KCNIP1: variants seen among roughly 807,000 people sequenced by gnomAD.
KCNIP1 encodes the protein potassium voltage-gated channel interacting protein 1.
Under a neutral mutation model 33.0 loss-of-function variants are expected in KCNIP1, and 18 were observed. The ratio of observed to expected loss-of-function variants is 0.55; its 90% confidence interval spans 0.38 to 0.81. KCNIP1 has a LOEUF of 0.81. Ranked by LOEUF, KCNIP1 falls within the 30% of genes least tolerant of loss-of-function variation. The pLI, the probability that KCNIP1 is intolerant of heterozygous loss-of-function variation, is 0.00. For synonymous variants in KCNIP1, 93 were observed against 98.3 expected (o/e 0.95, Z 0.32); for missense variants, 238 against 271.6 (o/e 0.88, Z 0.87).
At chr5:170,610,354 T>G (rs926637767) in intron 1 of KCNIP1, among the ~76,000 whole-genome samples, 1 of 152,232 alleles carries the variant, frequency 6.6e-6, no homozygotes, top group Non-Finnish European at 1.5e-5. Context: ...ATGTACTTAA[T>G]AGGCCTTTTT....
chr5:170,400,435 TG>T (rs1374325510), intron 1 of KCNIP1, among the ~76,000 whole-genome samples: 2 of 152,118 alleles, frequency 1.3e-5, no homozygotes. Context: ...GAGAACAGCA[TG>T]GGGGAGACTT....
At chr5:170,592,288 T>C (rs542702320) in intron 1 of KCNIP1, among the ~76,000 whole-genome samples, 1 of 152,344 alleles carries the variant, frequency 6.6e-6, no homozygotes, top group South Asian at 2.1e-4. Flanking sequence ...GAGAAATGTC[T>C]GTTAACTCTA....
chr5:170,512,051 A>G (rs1334374137), intron 1 of KCNIP1, among the ~76,000 whole-genome samples: 4 of 152,190 alleles, frequency 2.6e-5, no homozygotes, highest in African/African-American at 9.7e-5. Context: ...TTTCCATTTC[A>G]TCTGACACTG....
At chr5:170,679,644 TG>T (rs1762262856) in intron 1 of KCNIP1, among the ~76,000 whole-genome samples, 3 of 151,672 alleles carry the variant, frequency 2.0e-5, no homozygotes, top group Admixed American at 2.0e-4. Context: ...TGTGTGTGTG[TG>T]TGTGTGTGTG....
chr5:170,424,901 C>A (rs1173362439), intron 1 of KCNIP1, among the ~76,000 whole-genome samples: 1 of 152,206 alleles, frequency 6.6e-6, no homozygotes, highest in Non-Finnish European at 1.5e-5. Context: ...TTTATCTGGG[C>A]GTCTTGGCTT....
chr5:170,677,787 TAATC>T (rs1762200671), intron 1 of KCNIP1, among the ~76,000 whole-genome samples: 1 of 151,844 alleles, frequency 6.6e-6, no homozygotes, highest in Non-Finnish European at 1.5e-5. Flanking sequence ...TTTTCACAAA[TAATC>T]AAACCTTTGT....
intron 1 of KCNIP1, among the ~76,000 whole-genome samples, chr5:170,515,148 A>C (rs1449300564): frequency 6.6e-6 from 1 of 152,174 alleles, no homozygotes; most frequent in African/African-American, 2.4e-5. Context: ...CTTGATGTTG[A>C]CACTCCAAAT....
intron 1 of KCNIP1, among the ~76,000 whole-genome samples, chr5:170,645,803 T>C (rs1189567657): frequency 6.6e-6 from 1 of 151,752 alleles, no homozygotes; most frequent in African/African-American, 2.4e-5. Flanking sequence ...AAACTAAAAA[T>C]CAATAACAAG....
At chr5:170,726,839 G>A (rs561051843) in intron 5 of KCNIP1, among the ~76,000 whole-genome samples, 1 of 151,642 alleles carries the variant, frequency 6.6e-6, no homozygotes, top group African/African-American at 2.4e-5. Context: ...TAACCCTGGG[G>A]AGTGGAGGTT....
rs573930146 is a variant in KCNIP1 at position 170,470,822 on chromosome 5, C to T, written c.88+116858C>T. Reference sequence around the variant, plus strand: ...GCAGAAAAGAACGTTAGCTCTTGCCCGTGGGCATGATCTCTTCCAGGTCCC... The same window carrying T: ...GCAGAAAAGAACGTTAGCTCTTGCCTGTGGGCATGATCTCTTCCAGGTCCC... On this transcript the variant is annotated intron_variant, in intron 1 of 7. Transcript: ENST00000377360. Among the ~76,000 whole-genome samples, 14 of 152,248 alleles carry T rather than the reference C, an allele frequency of 9.2e-5. No individual in the cohort carries two copies. In the South Asian group the frequency reaches 2.9e-3, roughly 32 times the overall value.
At chr5:170,600,799 C>T (rs1023287560) in intron 1 of KCNIP1, among the ~76,000 whole-genome samples, 1 of 152,178 alleles carries the variant, frequency 6.6e-6, no homozygotes, top group East Asian at 1.9e-4. Context: ...GTTAGCTGTG[C>T]GACCCTGGGC....
intron 1 of KCNIP1, among the ~76,000 whole-genome samples, chr5:170,400,677 G>T (rs1754880579): frequency 6.6e-6 from 1 of 152,214 alleles, no homozygotes; most frequent in African/African-American, 2.4e-5. Flanking sequence ...AGTGGTTACT[G>T]TGGTTATCCT....
chr5:170,356,358 G>A (rs776764899), intron 1 of KCNIP1, among the ~76,000 whole-genome samples: 2 of 152,134 alleles, frequency 1.3e-5, no homozygotes, highest in African/African-American at 2.4e-5. Flanking sequence ...GCAATTTACT[G>A]TTTCTTACCA....
intron 1 of KCNIP1, chr5:170,669,388 C>A: frequency 3.7e-6 from 1 of 271,132 alleles, no homozygotes; most frequent in Non-Finnish European, 5.7e-6. Context: ...TACACTACTA[C>A]TCACTGTCCT....
rs959576475 is a variant in KCNIP1, at chr5:170,534,314, C to T, written c.61+29681C>T. ...GGTCTGTGGTTTGTCCCCATAGGAA[C>T]GTAAGGTGTCAGAGCCAGCTACTCA... On this transcript the variant is annotated intron_variant, in intron 1 of 7. Coordinates refer to ENST00000328939, the MANE Select transcript of KCNIP1 (RefSeq NM_014592.4). 7.9e-5 allele frequency among the ~76,000 whole-genome samples: 12 copies of T among 152,040 alleles called. 1 individual carries two copies. The highest frequency in any genetic ancestry group is 3.9e-4 in the Admixed American group (6 of 15,250).
chr5:170,619,200 G>A (rs574938853), intron 1 of KCNIP1, among the ~76,000 whole-genome samples: 7 of 152,256 alleles, frequency 4.6e-5, no homozygotes, highest in South Asian at 2.1e-4. Context: ...TCAGAACACA[G>A]ATGGCATGCC....
intron 1 of KCNIP1, among the ~76,000 whole-genome samples, chr5:170,381,621 C>T (rs1368113471): frequency 6.6e-6 from 1 of 152,216 alleles, no homozygotes; most frequent in African/African-American, 2.4e-5. Flanking sequence ...ATCAGCACCA[C>T]ACCTGGTCAA....
At chr5:170,383,515 TG>T in intron 1 of KCNIP1, 2 of 762,048 alleles carry the variant, frequency 2.6e-6, no homozygotes, top group Non-Finnish European at 4.4e-6. Context: ...CAGGTCTGTG[TG>T]ACTCCAACAC....
chr5:170,394,689 T>A lies in KCNIP1; in HGVS notation c.88+40725T>A, dbSNP rs1754710416. The stretch of plus-strand genomic sequence containing the variant: ...ATGCTGACGTTTGAGCTTCTATTGA[T>A]CCCATCACTGATAGAGTGAACATAG... On this transcript the variant is annotated intron_variant, in intron 1 of 7. Coordinates refer to the KCNIP1 transcript ENST00000377360. Among the ~76,000 whole-genome samples the A allele has an allele frequency of 5.9e-5, 9 of 152,316 alleles. No individual in the cohort carries two copies. The South Asian group carries it at 1.9e-3, about 32-fold the overall frequency.
Sources: allele counts gnomAD v4.1 joint callset (sites outside exome capture counted in the v4.1 genomes callset), GRCh38; gene constraint gnomAD v4.1.1; transcripts MANE v1.5; gene names NCBI Gene and HGNC (gene_info 2026-07-23, HGNC 2026-07-21).